Variants in ARHGAP27 observed in about 807,000 individuals in gnomAD.
The protein encoded by ARHGAP27 is Rho GTPase activating protein 27.
A neutral mutation model predicts 102.0 loss-of-function variants in ARHGAP27; 53 were observed. That is an observed-to-expected ratio of 0.52 (90% CI 0.42 to 0.65). The LOEUF (loss-of-function observed/expected upper bound fraction) is 0.65, where lower values mean the gene tolerates loss of function less well. Ranked by LOEUF, ARHGAP27 falls within the 30% of genes least tolerant of loss-of-function variation. ARHGAP27 has a pLI of 0.00. For synonymous variants in ARHGAP27, 525 were observed against 542.8 expected, an observed-to-expected ratio of 0.97 and a Z score of 0.46; for missense variants, 1,117 against 1,256.2, an observed-to-expected ratio of 0.89 and a Z score of 1.68.
chr17:45,399,559 TCCAG>T (rs999738894), intron 12 of ARHGAP27, among the ~76,000 whole-genome samples: 17 of 117,530 alleles, frequency 1.4e-4, no homozygotes, highest in African/African-American at 5.6e-4. Context: ...ACCACTGCAC[TCCAG>T]CCAGGGCAAC....
chr17:45,404,898 C>T (rs77044114), intron 6 of ARHGAP27, 26 bp downstream of exon 6: 69,502 of 1,613,932 alleles, frequency 0.043, 1,827 homozygotes, highest in Non-Finnish European at 0.052. Context: ...TGAGGCTGTC[C>T]GGGTCCATCT....
rs2049778007 is a variant in ARHGAP27 at position 45,427,999 on chromosome 17, C to T, written c.657+1624G>A. The stretch of plus-strand genomic sequence containing the variant: ...GCCTGGGGTGTTGGCCCTTGCAGAC[C>T]TACAGAGCCCTGGCTCATAGGTAAA... On this transcript the variant is annotated intron_variant, in intron 4 of 19. Transcript: ENST00000685559. This position sits in a 1 kb window ranked among gnomAD's most constrained non-coding sequence, Gnocchi z 4.5. Among the ~76,000 whole-genome samples, 1 of 152,218 alleles carries T rather than the reference C, an allele frequency of 6.6e-6. No individual in the cohort carries two copies. The highest frequency in any genetic ancestry group is 1.5e-5 in the Non-Finnish European group (1 of 68,026).
chr17:45,395,614 G>T lies in ARHGAP27; in HGVS notation c.2512C>A (p.Gln838Lys). 6.2e-7 allele frequency: 1 copy of T among 1,605,780 alleles called. No homozygotes were observed. The highest frequency in any genetic ancestry group is 1.7e-5 in the Admixed American group (1 of 59,196). The change falls in exon 20 of 20, where the codon CAG becomes AAG. Residue 838 changes from glutamine to lysine, a missense_variant. Around this residue, in one of 3 missense-constraint regions of ARHGAP27, gnomAD observed 493 missense variants for 505.5 expected, o/e 0.98. Coordinates refer to ENST00000685559, the MANE Select transcript of ARHGAP27 (RefSeq NM_001282290.2). ...HLCRVIEHGE[Q>K]NRMSVQSVAI... is the part of the protein sequence containing the mutation. ...ACGCTCTGCACCGACATGCGGTTCT[G>T]CTCGCCGTGCTCGATCACCCTGTGG...
At chr17:45,416,032 G>GTT (rs35276396) in intron 4 of ARHGAP27, among the ~76,000 whole-genome samples, 17,749 of 143,332 alleles carry the variant, frequency 0.12, 1,440 homozygotes, top group Middle Eastern at 0.21. Flanking sequence ...TGAAGTTTTT[G>GTT]TTTTTTTTTT....
intron 2 of ARHGAP27, 59 bp downstream of exon 2, chr17:45,432,157 T>C: frequency 4.9e-6 from 1 of 203,790 alleles, no homozygotes; most frequent in Non-Finnish European, 1.0e-5. Flanking sequence ...AATCACCCAC[T>C]GCGAGCCCTT....
chr17:45,429,378 A>G, intron 4 of ARHGAP27: 3 of 1,343,240 alleles, frequency 2.2e-6, no homozygotes, highest in South Asian at 3.6e-5. Context: ...TTTGCCACCA[A>G]TTGGATTACG....
Position 45,405,934 on chromosome 17 carries a change from G to T in ARHGAP27, c.807C>A (p.Asp269Glu). Reference protein sequence around the residue: ...GTGRPYYYNPDTGVTTWESPF... With the variant: ...GTGRPYYYNPETGVTTWESPF... ...GCGACTCCCAGGTGGTAACTCCCGTGTCTGGGTTGTAGTAGTAGGGGCGCC... is the reference window on the plus strand; with the variant it reads ...GCGACTCCCAGGTGGTAACTCCCGTTTCTGGGTTGTAGTAGTAGGGGCGCC... The change falls in exon 5 of 20, where the codon GAC becomes GAA. Residue 269 changes from aspartate to glutamate, a missense_variant. Transcript: ENST00000685559. 6.5e-7 allele frequency: 1 copy of T among 1,535,924 alleles called. No individual in the cohort carries two copies. The highest frequency in any genetic ancestry group is 8.7e-7 in the Non-Finnish European group (1 of 1,146,808).
intron 12 of ARHGAP27, among the ~76,000 whole-genome samples, chr17:45,398,726 T>G (rs1177143335): frequency 7.8e-6 from 1 of 128,282 alleles, no homozygotes; most frequent in African/African-American, 3.1e-5. Context: ...AGAGCAAGAC[T>G]CCGTCTCAAA....
At chr17:45,411,121 G>A (rs920489065) in intron 4 of ARHGAP27, among the ~76,000 whole-genome samples, 1 of 152,086 alleles carries the variant, frequency 6.6e-6, no homozygotes, top group African/African-American at 2.4e-5. Flanking sequence ...AAGAGGGCCA[G>A]GCACCAGCTT....
Position 45,416,610 on chromosome 17 carries a change from G to A in ARHGAP27, c.658-10527C>T, listed in dbSNP as rs563641636. ...GTCGCCCAGGCTGGAGTACAGTGGCGCAATCTTGACTCACTGCAACCTCTG... is the reference window on the plus strand; with the variant it reads ...GTCGCCCAGGCTGGAGTACAGTGGCACAATCTTGACTCACTGCAACCTCTG... On this transcript the variant is annotated intron_variant, in intron 4 of 19. Transcript: ENST00000685559. Among the ~76,000 whole-genome samples, 55 of 150,634 alleles carry A rather than the reference G, an allele frequency of 3.7e-4. 1 individual carries two copies. The Middle Eastern group carries it at 0.017, about 47-fold the overall frequency.
At chr17:45,398,675 C>T (rs2047466862) in intron 12 of ARHGAP27, among the ~76,000 whole-genome samples, 2 of 151,292 alleles carry the variant, frequency 1.3e-5, no homozygotes, top group Non-Finnish European at 2.9e-5. Flanking sequence ...CGGAGGTTAC[C>T]GTGAGCCGAG....
In ARHGAP27 at chr17:45,421,351, G is replaced by A. The variant is rs563084575; in HGVS notation, c.657+8272C>T. Reference sequence around the variant, plus strand: ...AACAAAATTAGCTGGGCACGGTGGCGTGCGCCTGTATTCCCAGCTTCTCAG... The same window carrying A: ...AACAAAATTAGCTGGGCACGGTGGCATGCGCCTGTATTCCCAGCTTCTCAG... On this transcript the variant is annotated intron_variant, in intron 4 of 19. Coordinates refer to ENST00000685559, the MANE Select transcript of ARHGAP27 (RefSeq NM_001282290.2). 6.6e-5 allele frequency among the ~76,000 whole-genome samples: 10 copies of A among 150,940 alleles called. No individual in the cohort carries two copies. The East Asian group carries it at 9.8e-4, about 15-fold the overall frequency.
chr17:45,400,034 G>A (rs1487030475), intron 12 of ARHGAP27, among the ~76,000 whole-genome samples: 3 of 152,070 alleles, frequency 2.0e-5, no homozygotes, highest in Non-Finnish European at 4.4e-5. Context: ...ATGCTAGTGT[G>A]CACCTGTACT....
chr17:45,396,635 C>G (rs773107400), intron 15 of ARHGAP27, 33 bp downstream of exon 15: 2 of 1,612,354 alleles, frequency 1.2e-6, no homozygotes, highest in Non-Finnish European at 1.7e-6. Flanking sequence ...CCGTCCCGGT[C>G]CCGGGTCCCC....
At chr17:45,402,658 G>A in intron 12 of ARHGAP27, 56 bp downstream of exon 12, 1 of 1,475,878 alleles carries the variant, frequency 6.8e-7, no homozygotes, top group Non-Finnish European at 9.4e-7. Flanking sequence ...AGTTGTCAGA[G>A]AGCTGGCAGG....
intron 11 of ARHGAP27, 81 bp from the exon 12 acceptor site, chr17:45,402,899 G>A: frequency 8.1e-7 from 1 of 1,233,812 alleles, no homozygotes; most frequent in Non-Finnish European, 1.2e-6. Flanking sequence ...GGAATAGGAT[G>A]GGGTCACTGG....
chr17:45,410,340 G>C, intron 4 of ARHGAP27: 1 of 1,446,554 alleles, frequency 6.9e-7, no homozygotes, highest in Non-Finnish European at 9.0e-7. Context: ...TTTGGGGGTA[G>C]AGCCCAGGGG....
chr17:45,397,893 C>T (rs2045936789), intron 13 of ARHGAP27, 56 bp downstream of exon 13: 1 of 1,479,992 alleles, frequency 6.8e-7, no homozygotes, highest in Non-Finnish European at 9.3e-7. Flanking sequence ...CAGAGGGCCC[C>T]ACTCATAATG....
At chr17:45,428,660 G>T (rs1377095954) in intron 4 of ARHGAP27, among the ~76,000 whole-genome samples, 1 of 152,200 alleles carries the variant, frequency 6.6e-6, no homozygotes, top group Non-Finnish European at 1.5e-5. Flanking sequence ...TACAGCGAAA[G>T]AAATCAGAGG....
Sources: allele counts gnomAD v4.1 joint callset (sites outside exome capture counted in the v4.1 genomes callset), GRCh38; gene constraint gnomAD v4.1.1; regional missense constraint gnomAD v4.1.1; non-coding constraint Gnocchi (gnomAD v3.1); transcripts MANE v1.5; gene names NCBI Gene and HGNC (gene_info 2026-07-23, HGNC 2026-07-21).